DLGAP1: variants seen among roughly 807,000 people sequenced by gnomAD.
DLGAP1 encodes disks large-associated protein 1.
DLGAP1 carries 11 observed loss-of-function variants against 90.8 expected under a neutral mutation model. The ratio of observed to expected loss-of-function variants is 0.12; its 90% CI spans 0.08 to 0.20. DLGAP1 has a LOEUF of 0.20. Among genes scored for constraint, DLGAP1 ranks in the 10% least tolerant of loss-of-function variants. DLGAP1 has a pLI of 1.00. For missense variants in DLGAP1, 1,050 were observed against 1,333.8 expected (o/e 0.79, Z 3.31); for synonymous variants, 558 against 540.7 (o/e 1.03, Z -0.44).
intron 4 of DLGAP1, among the ~76,000 whole-genome samples, chr18:3,873,457 T>C (rs1210364330): frequency 6.6e-6 from 1 of 152,170 alleles, no homozygotes; most frequent in Non-Finnish European, 1.5e-5. Context: ...ATGTGGTGGA[T>C]GGGATTTCAG....
chr18:4,223,351 GGAA>G (rs1235594975), intron 1 of DLGAP1, among the ~76,000 whole-genome samples: 2 of 152,244 alleles, frequency 1.3e-5, no homozygotes, highest in African/African-American at 2.4e-5. Context: ...TTTTCCAAAT[GGAA>G]GAAGTATTCC....
At chr18:3,635,949 C>T (rs2146247196) in intron 7 of DLGAP1, among the ~76,000 whole-genome samples, 1 of 151,656 alleles carries the variant, frequency 6.6e-6, no homozygotes, top group Admixed American at 6.6e-5. Flanking sequence ...CTCAATACTT[C>T]ATTCACTGGC....
At chr18:4,144,990 C>T (rs1275350084) in intron 2 of DLGAP1, among the ~76,000 whole-genome samples, 2 of 152,162 alleles carry the variant, frequency 1.3e-5, no homozygotes, top group African/African-American at 4.8e-5. Flanking sequence ...ATTTCATCAT[C>T]TAAAAATAAC....
rs1250681410 is a variant in DLGAP1, at chr18:3,729,474, C to T, written c.1351-99G>A. ...CTTCAATCCCCAGAAGAAAAAGCAG[C>T]GTCTGGTTAGATTAAGCTCAAATGC... is the stretch of plus-strand genomic sequence containing the variant. On this transcript the variant is annotated intron_variant, in intron 6 of 12. Transcript: ENST00000315677. This position sits in a 1 kb window ranked among gnomAD's most constrained non-coding sequence, Gnocchi z 6.2. 3.2e-5 allele frequency: 47 copies of T among 1,488,350 alleles called. No homozygotes were observed. Among genetic ancestry groups the T allele is most frequent in the Non-Finnish European group, 4.0e-5 (44 of 1,106,630 alleles). The allele number at this position is 1,488,350 out of a possible 1,614,324, so 92.2% of individuals were successfully genotyped here.
intron 5 of DLGAP1, among the ~76,000 whole-genome samples, chr18:3,797,827 C>T (rs2066078363): frequency 6.6e-6 from 1 of 152,178 alleles, no homozygotes; most frequent in Admixed American, 6.5e-5. Flanking sequence ...CCACCCAAAT[C>T]TCATCTTGAA....
At chr18:4,222,965 A>G (rs1270745518) in intron 1 of DLGAP1, among the ~76,000 whole-genome samples, 1 of 152,134 alleles carries the variant, frequency 6.6e-6, no homozygotes, top group Non-Finnish European at 1.5e-5. Context: ...CACATATTAA[A>G]GATTTTTGCT....
chr18:3,725,837 A>G (rs35000534), intron 7 of DLGAP1, among the ~76,000 whole-genome samples: 12,777 of 152,136 alleles, frequency 0.084, 661 homozygotes, highest in Admixed American at 0.16. Flanking sequence ...TCACCTACTA[A>G]TACCTAGAGG....
chr18:4,039,546 T>C (rs1772000809), intron 2 of DLGAP1, among the ~76,000 whole-genome samples: 1 of 151,966 alleles, frequency 6.6e-6, no homozygotes, highest in Admixed American at 6.6e-5. Context: ...AAATCAAACA[T>C]CAATGGCAAA....
intron 1 of DLGAP1, among the ~76,000 whole-genome samples, chr18:4,209,511 C>T (rs2077796325): frequency 6.6e-6 from 1 of 152,086 alleles, no homozygotes; most frequent in Admixed American, 6.6e-5. Flanking sequence ...GAAACGGATA[C>T]AGCTATCACG....
chr18:4,369,433 C>T (rs1320575286), intron 1 of DLGAP1, among the ~76,000 whole-genome samples: 2 of 152,100 alleles, frequency 1.3e-5, no homozygotes, highest in African/African-American at 4.8e-5. Flanking sequence ...TAGAATCATT[C>T]CCCAATGCCT....
In DLGAP1 at chr18:3,702,370, A is replaced by G. The variant is rs926358739; in HGVS notation, c.1591+26765T>C. ...TAGCAGGTGTGCTTCATGGTGCTCA[A>G]TTGGATATGCTTCACAGGAGTAAAC... On this transcript the variant is annotated intron_variant, in intron 7 of 12. Transcript: ENST00000315677. Among the ~76,000 whole-genome samples, 18 of 152,352 alleles carry G rather than the reference A, an allele frequency of 1.2e-4. No individual in the cohort carries two copies. The South Asian group carries it at 1.2e-3, about 11-fold the overall frequency.
chr18:3,526,933 G>A lies in DLGAP1; in HGVS notation c.2479+7261C>T, dbSNP rs1210870232. The stretch of plus-strand genomic sequence containing the variant: ...AACAAGCATTCTGTCAGCTGTCTTG[G>A]CTTGGAGGAAACCTCACTCACTGCA... On this transcript the variant is annotated intron_variant, in intron 10 of 12. Transcript: ENST00000315677. The surrounding 1 kb of genome is among the most constrained non-coding windows in gnomAD (Gnocchi z 4.7). Among the ~76,000 whole-genome samples the A allele has an allele frequency of 1.3e-5, 2 of 152,010 alleles. No homozygotes were observed. Among genetic ancestry groups the A allele is most frequent in the Non-Finnish European group, 2.9e-5 (2 of 68,004 alleles).
At chr18:4,079,532 G>A (rs901967899) in intron 2 of DLGAP1, among the ~76,000 whole-genome samples, 9 of 151,936 alleles carry the variant, frequency 5.9e-5, no homozygotes, top group Non-Finnish European at 1.0e-4. Context: ...TGGAGACTCA[G>A]AAGTGGGGAG....
At chr18:4,224,998 C>T (rs2078156176) in intron 1 of DLGAP1, among the ~76,000 whole-genome samples, 2 of 151,984 alleles carry the variant, frequency 1.3e-5, no homozygotes, top group Non-Finnish European at 1.5e-5. Context: ...CACTCACACC[C>T]CCCCACACAC....
intron 1 of DLGAP1, among the ~76,000 whole-genome samples, chr18:4,318,459 C>T (rs2080589029): frequency 6.6e-6 from 1 of 152,156 alleles, no homozygotes; most frequent in Non-Finnish European, 1.5e-5. Flanking sequence ...AATTCAAGTG[C>T]AGGCTGAATC....
chr18:4,103,968 T>C (rs999590529), intron 2 of DLGAP1, among the ~76,000 whole-genome samples: 1 of 152,172 alleles, frequency 6.6e-6, no homozygotes, highest in South Asian at 2.1e-4. Context: ...TTAGGAGTTT[T>C]ACATCCACAT....
chr18:4,379,243 G>A (rs2082071951), intron 1 of DLGAP1, among the ~76,000 whole-genome samples: 1 of 152,138 alleles, frequency 6.6e-6, no homozygotes, highest in African/African-American at 2.4e-5. Flanking sequence ...GAGAACAAGA[G>A]AGGAGAAAAG....
chr18:3,532,411 C>T (rs934211999), intron 10 of DLGAP1, among the ~76,000 whole-genome samples: 1 of 151,850 alleles, frequency 6.6e-6, no homozygotes, highest in Admixed American at 6.6e-5. Context: ...GAAACCCCGT[C>T]TCTACTAAAA....
At chr18:4,099,345 A>ATCTGTCTGTCTG (rs147140169) in intron 2 of DLGAP1, among the ~76,000 whole-genome samples, 1 of 73,072 alleles carries the variant, frequency 1.4e-5, no homozygotes, top group South Asian at 3.2e-4. Flanking sequence ...CTATCTATCT[A>ATCTGTCTGTCTG]TCTGTCTGTC....
Sources: gnomAD v4.1 joint callset for allele counts (sites outside exome capture counted in the v4.1 genomes callset) on GRCh38, gnomAD v4.1.1 for gene constraint, Gnocchi (gnomAD v3.1) non-coding constraint, MANE v1.5 for transcripts, NCBI Gene and HGNC (gene_info 2026-07-23, HGNC 2026-07-21) for gene names.